Variants in KIAA0825 observed in about 807,000 individuals in gnomAD.
KIAA0825 encodes uncharacterized protein KIAA0825.
Under a neutral mutation model 147.6 loss-of-function variants are expected in KIAA0825, and 119 were observed. The ratio of observed to expected loss-of-function variants is 0.81; its 90% CI spans 0.69 to 0.94. KIAA0825 has a LOEUF of 0.94. KIAA0825 is among the 40% of genes least tolerant of loss of function. The pLI, the probability that KIAA0825 is intolerant of heterozygous loss-of-function variation, is 0.00. For synonymous variants in KIAA0825, 470 were observed against 518.1 expected (o/e 0.91, Z 1.26); for missense variants, 1,381 against 1,472.7 (o/e 0.94, Z 1.02).
At chr5:94,271,223 A>T (rs1776966453) in intron 20 of KIAA0825, among the ~76,000 whole-genome samples, 1 of 152,160 alleles carries the variant, frequency 6.6e-6, no homozygotes, top group Non-Finnish European at 1.5e-5. Flanking sequence ...TTTCTTGAGT[A>T]ATACCCTATA....
intron 5 of KIAA0825, among the ~76,000 whole-genome samples, chr5:94,489,570 TA>T (rs200850265): frequency 0.011 from 1,286 of 119,368 alleles, 10 homozygotes; most frequent in Middle Eastern, 0.034. Context: ...ACCAGTGACT[TA>T]AAAAAAAAAA....
At chr5:94,386,203 A>T (rs1282084936) in intron 19 of KIAA0825, 39 bp downstream of exon 19, 2 of 1,515,444 alleles carry the variant, frequency 1.3e-6, no homozygotes, top group East Asian at 2.5e-5. Flanking sequence ...TGGGTAAAGA[A>T]ACCACACATT....
intron 20 of KIAA0825, among the ~76,000 whole-genome samples, chr5:94,237,373 T>C (rs1489430660): frequency 6.6e-6 from 1 of 152,102 alleles, no homozygotes; most frequent in Non-Finnish European, 1.5e-5. Flanking sequence ...CTGAGACTCT[T>C]GGGATGTCAT....
intron 20 of KIAA0825, among the ~76,000 whole-genome samples, chr5:94,339,397 G>T (rs1397767035): frequency 6.6e-6 from 1 of 152,144 alleles, no homozygotes; most frequent in Non-Finnish European, 1.5e-5. Flanking sequence ...GACTTTAGTG[G>T]CTGATTTACA....
chr5:94,539,301 CTCTG>C lies in KIAA0825; in HGVS notation c.-1-2178_-1-2175del, dbSNP rs1164499827. 3.3e-5 allele frequency among the ~76,000 whole-genome samples: 5 copies of C among 152,166 alleles called. No individual in the cohort carries two copies. In the East Asian group the frequency reaches 5.8e-4, roughly 18 times the overall value. ...GGGCAACCAGCAGCCCATGGGGCTG[CTCTG>C]TCTATGGAGTAACCATTCTTTTATT... On this transcript the variant is annotated intron_variant, in intron 2 of 20. Transcript: ENST00000682413.
At chr5:94,564,864 C>G (rs1206812485) in intron 2 of KIAA0825, among the ~76,000 whole-genome samples, 3 of 152,082 alleles carry the variant, frequency 2.0e-5, no homozygotes, top group Non-Finnish European at 4.4e-5. Context: ...ATTAGTGCAG[C>G]AGTTTTCTAA....
intron 15 of KIAA0825, among the ~76,000 whole-genome samples, chr5:94,411,466 T>A (rs767969435): frequency 2.1e-4 from 32 of 152,192 alleles, no homozygotes; most frequent in Non-Finnish European, 3.5e-4. Flanking sequence ...AAAAAATGGT[T>A]CTGGGAAAAT....
chr5:94,417,222 C>G lies in KIAA0825; in HGVS notation c.2641G>C (p.Asp881His). 1.3e-6 allele frequency: 2 copies of G among 1,550,708 alleles called. No homozygotes were observed. Among genetic ancestry groups the G allele is most frequent in the Non-Finnish European group, 1.7e-6 (2 of 1,146,382 alleles). Reference sequence around the variant, plus strand: ...ATACCTGGGATGTTATATAAAAAGTCCCATAATTGCTCTTCTTCCATGTAG... The same window carrying G: ...ATACCTGGGATGTTATATAAAAAGTGCCATAATTGCTCTTCTTCCATGTAG... ...VSYMEEEQLW[D>H]FLYNIPVSTC... is the part of the protein sequence containing the mutation. Residue 881 changes from aspartate to histidine, a missense_variant, in exon 15 of 21, where the codon GAC (aspartate) becomes CAC (histidine). By Grantham distance (81) the Asp-to-His change is moderately conservative. Transcript: ENST00000682413.
At position 94,436,127 on chromosome 5, in the gene KIAA0825, C is replaced by G. The variant is rs189245000; in HGVS notation, c.2497+3855G>C. On this transcript the variant is annotated intron_variant, in intron 14 of 20. Transcript: ENST00000682413. Reference sequence around the variant, plus strand: ...TTTGCTGTGCAGAATCTCTTTAGTTCAATTAGATTCCATGTGTCAATTTTT... The same window carrying G: ...TTTGCTGTGCAGAATCTCTTTAGTTGAATTAGATTCCATGTGTCAATTTTT... 1.1e-4 allele frequency among the ~76,000 whole-genome samples: 16 copies of G among 152,146 alleles called. No homozygotes were observed. In the East Asian group the frequency reaches 3.1e-3, roughly 29 times the overall value.
chr5:94,545,233 C>A (rs1774118271), intron 2 of KIAA0825, among the ~76,000 whole-genome samples: 1 of 152,126 alleles, frequency 6.6e-6, no homozygotes, highest in Admixed American at 6.6e-5. Context: ...ATCGTTGCCA[C>A]CACAGGCTGC....
At chr5:94,589,747 T>A (rs1173598595) in intron 1 of KIAA0825, among the ~76,000 whole-genome samples, 1 of 151,972 alleles carries the variant, frequency 6.6e-6, no homozygotes, top group Admixed American at 6.6e-5. Context: ...GGATATTTGA[T>A]AAACTCTTAT....
intron 20 of KIAA0825, among the ~76,000 whole-genome samples, chr5:94,346,980 G>A (rs570551845): frequency 6.6e-6 from 1 of 152,270 alleles, no homozygotes; most frequent in East Asian, 1.9e-4. Context: ...GTCATGATGG[G>A]AGTGAGACTG....
At chr5:94,581,266 T>C (rs1474536500) in intron 2 of KIAA0825, among the ~76,000 whole-genome samples, 1 of 152,238 alleles carries the variant, frequency 6.6e-6, no homozygotes, top group Non-Finnish European at 1.5e-5. Flanking sequence ...TATTTGGGTT[T>C]ACATTTTTCT....
intron 20 of KIAA0825, among the ~76,000 whole-genome samples, chr5:94,380,533 G>A (rs1284465789): frequency 6.6e-6 from 1 of 152,234 alleles, no homozygotes; most frequent in Non-Finnish European, 1.5e-5. Context: ...CTACCACAGA[G>A]GGTAAGATTA....
At chr5:94,598,398 C>G (rs1435522745) in intron 1 of KIAA0825, among the ~76,000 whole-genome samples, 1 of 152,008 alleles carries the variant, frequency 6.6e-6, no homozygotes, top group Non-Finnish European at 1.5e-5. Flanking sequence ...CAATAACAAG[C>G]ATAGGGAGTA....
intron 20 of KIAA0825, among the ~76,000 whole-genome samples, chr5:94,342,215 C>CTGAAGGATT (rs1167259523): frequency 6.6e-6 from 1 of 151,774 alleles, no homozygotes; most frequent in Non-Finnish European, 1.5e-5. Context: ...AAAGAACAAC[C>CTGAAGGATT]TGAAGGATTT....
At chr5:94,172,347 A>G (rs1768701698) in intron 20 of KIAA0825, among the ~76,000 whole-genome samples, 1 of 152,216 alleles carries the variant, frequency 6.6e-6, no homozygotes, top group Non-Finnish European at 1.5e-5. Context: ...TGCAAAATGT[A>G]TGGATAGTTG....
Position 94,386,294 on chromosome 5 carries a change from A to AAC in KIAA0825, c.3566_3567insGT (p.Phe1189LeufsTer16). ...ACGCCTTATACACATGGAAAGGGTTAAAGGCAGAAGGCTGATCTTCTATAC... is the reference window on the plus strand; with the variant it reads ...ACGCCTTATACACATGGAAAGGGTTAACAAGGCAGAAGGCTGATCTTCTATAC... On this transcript the variant is annotated frameshift_variant, in exon 19 of 21. Coordinates refer to ENST00000682413, the MANE Select transcript of KIAA0825 (RefSeq NM_001145678.3). LOFTEE classifies it high-confidence loss of function. 1 of 1,551,524 alleles carries AAC rather than the reference A, an allele frequency of 6.4e-7. No homozygotes were observed. Among genetic ancestry groups the AAC allele is most frequent in the Non-Finnish European group, 8.7e-7 (1 of 1,146,812 alleles).
At chr5:94,458,047 T>C (rs1479379018) in intron 12 of KIAA0825, among the ~76,000 whole-genome samples, 2 of 152,118 alleles carry the variant, frequency 1.3e-5, no homozygotes, top group African/African-American at 2.4e-5. Flanking sequence ...CCTGAAAAGC[T>C]TGAGATAAGT....
Sources: allele counts gnomAD v4.1 joint callset (sites outside exome capture counted in the v4.1 genomes callset), GRCh38; gene constraint gnomAD v4.1.1; transcripts MANE v1.5; gene names NCBI Gene and HGNC (gene_info 2026-07-23, HGNC 2026-07-21).